The following HDAC9 variants were observed in gnomAD, a reference collection of about 807,000 sequenced individuals.
The protein encoded by HDAC9 is histone deacetylase 9.
A neutral mutation model predicts 139.4 loss-of-function variants in HDAC9; 41 were observed. The ratio of observed to expected loss-of-function variants is 0.29; its 90% confidence interval spans 0.23 to 0.38. HDAC9 has a LOEUF of 0.38. Ranked by LOEUF, HDAC9 falls within the 10% of genes least tolerant of loss-of-function variation. The pLI, the probability that HDAC9 is intolerant of heterozygous loss-of-function variation, is 1.00. For missense variants in HDAC9, 1,147 were observed against 1,297.0 expected (o/e 0.88, Z 1.78); for synonymous variants, 517 against 476.2 (o/e 1.09, Z -1.12).
chr7:18,522,886 T>C (rs1458360105), intron 2 of HDAC9, among the ~76,000 whole-genome samples: 1 of 152,166 alleles, frequency 6.6e-6, no homozygotes, highest in Non-Finnish European at 1.5e-5. Flanking sequence ...TGAATAACTT[T>C]AATTAACAAG....
intron 13 of HDAC9, among the ~76,000 whole-genome samples, chr7:18,732,470 G>GTATATA (rs56901819): frequency 7.4e-5 from 11 of 149,338 alleles, no homozygotes; most frequent in Non-Finnish European, 7.4e-5. Flanking sequence ...TTGTATGTGT[G>GTATATA]TATATACAGT....
intron 1 of HDAC9, among the ~76,000 whole-genome samples, chr7:18,432,940 G>T (rs1790820547): frequency 6.7e-6 from 1 of 148,500 alleles, no homozygotes; most frequent in South Asian, 2.1e-4. Flanking sequence ...AACAGAATGA[G>T]ACTCTGTCTT....
chr7:18,906,844 A>G (rs1381495204), intron 22 of HDAC9: 2 of 152,260 alleles, frequency 1.3e-5, no homozygotes, highest in East Asian at 1.9e-4. Flanking sequence ...GACAAAAGGA[A>G]TGTGATAACA....
Position 18,648,691 on chromosome 7 carries a change from T to C in HDAC9, c.1467+8T>C. 4 of 1,603,682 alleles carry C rather than the reference T, an allele frequency of 2.5e-6. No individual in the cohort carries two copies. The highest frequency in any genetic ancestry group is 1.7e-5 in the Admixed American group (1 of 58,460). ...CAGATCCACATGAACAAAGTAAGCC[T>C]CCAAGCCAAGTCAAAATGTTCTAAC... On this transcript the variant is annotated splice_region_variant and intron_variant, in intron 11 of 25. Coordinates refer to ENST00000686413, the MANE Select transcript of HDAC9 (RefSeq NM_178425.4).
chr7:18,394,712 A>G (rs1321681764), intron 1 of HDAC9, among the ~76,000 whole-genome samples: 1 of 152,064 alleles, frequency 6.6e-6, no homozygotes, highest in Non-Finnish European at 1.5e-5. Context: ...GTTGAAATTC[A>G]TTATTTAAGA....
At position 18,497,736 on chromosome 7, in the gene HDAC9, T is replaced by C. The variant is rs1194667587; in HGVS notation, c.22+1412T>C. Among the ~76,000 whole-genome samples the C allele has an allele frequency of 2.0e-5, 3 of 152,158 alleles. No homozygotes were observed. The East Asian group carries it at 5.8e-4, about 29-fold the overall frequency. ...ATTTTTTAAAATATGGATGAACCCT[T>C]TGAAAATAACTATTTTAGAAATCTT... On this transcript the variant is annotated intron_variant, in intron 2 of 25. Transcript: ENST00000686413.
intron 2 of HDAC9, among the ~76,000 whole-genome samples, chr7:18,564,967 ATTTATTTAT>A (rs1373967917): frequency 5.9e-5 from 4 of 68,260 alleles, no homozygotes; most frequent in Non-Finnish European, 1.0e-4. Flanking sequence ...TATTTTATTT[ATTTATTTAT>A]TTATTTATTT....
intron 2 of HDAC9, among the ~76,000 whole-genome samples, chr7:18,188,386 C>T (rs2128147486): frequency 6.6e-6 from 1 of 152,172 alleles, no homozygotes; most frequent in South Asian, 2.1e-4. Context: ...AACCTCACAC[C>T]ATAAAAACCC....
At chr7:18,646,563 T>G (rs1444717805) in intron 9 of HDAC9, among the ~76,000 whole-genome samples, 3 of 152,176 alleles carry the variant, frequency 2.0e-5, no homozygotes, top group Admixed American at 2.0e-4. Context: ...AAGGAATCAC[T>G]TCTAGATTAA....
chr7:18,385,272 G>T (rs1785810250), intron 1 of HDAC9, among the ~76,000 whole-genome samples: 1 of 152,032 alleles, frequency 6.6e-6, no homozygotes, highest in Non-Finnish European at 1.5e-5. Flanking sequence ...AATGTTTTAA[G>T]ACTGTTAATG....
chr7:18,275,664 C>T (rs1307710146), intron 2 of HDAC9, among the ~76,000 whole-genome samples: 1 of 152,188 alleles, frequency 6.6e-6, no homozygotes, highest in Non-Finnish European at 1.5e-5. Flanking sequence ...ATATTTTATC[C>T]TTGAGCTTTT....
Position 18,998,152 on chromosome 7 carries a change from A to T in HDAC9, c.*2090A>T, listed in dbSNP as rs1037828668. 4 of 152,364 alleles carry T rather than the reference A, an allele frequency of 2.6e-5. No homozygotes were observed. In the South Asian group the frequency reaches 8.3e-4, roughly 32 times the overall value. The allele number at this position is 152,364 out of a possible 1,614,324, so 9.4% of individuals were successfully genotyped here. ...TAAAAAGGAAACTCATGTTTTAATT[A>T]GAAAAATAATTGTGTAGTTTTAAAA... On this transcript the variant is annotated 3_prime_UTR_variant, in exon 26 of 26. Coordinates refer to ENST00000686413, the MANE Select transcript of HDAC9 (RefSeq NM_178425.4).
At chr7:18,982,781 T>C (rs1402131241) in intron 25 of HDAC9, among the ~76,000 whole-genome samples, 4 of 152,192 alleles carry the variant, frequency 2.6e-5, no homozygotes, top group Non-Finnish European at 5.9e-5. Context: ...AAGCATGTTT[T>C]TGAGATCTAT....
Position 18,230,218 on chromosome 7 carries a change from G to A in HDAC9, c.25+67869G>A, listed in dbSNP as rs142104277. 5.3e-3 allele frequency among the ~76,000 whole-genome samples: 802 copies of A among 152,246 alleles called. 6 individuals carry two copies. The highest frequency in any genetic ancestry group is 0.014 in the Middle Eastern group (4 of 294). Reference sequence around the variant, plus strand: ...TTAGGGGCTGATTTAAGAAAAAGCTGGATGAAAGATGTCCAGACCAGCTAC... The same window carrying A: ...TTAGGGGCTGATTTAAGAAAAAGCTAGATGAAAGATGTCCAGACCAGCTAC... On this transcript the variant is annotated intron_variant, in intron 2 of 12. Coordinates refer to the HDAC9 transcript ENST00000417496.
chr7:18,880,377 A>G (rs775476201), intron 22 of HDAC9, among the ~76,000 whole-genome samples: 2 of 152,282 alleles, frequency 1.3e-5, no homozygotes, highest in East Asian at 1.9e-4. Context: ...CTGCAGCACT[A>G]TTCACAATAG....
In HDAC9 at chr7:19,001,046, G is replaced by A. The variant is rs574394673; in HGVS notation, c.*4984G>A. 6.6e-6 allele frequency: 1 copy of A among 152,078 alleles called. No individual in the cohort carries two copies. Among genetic ancestry groups the A allele is most frequent in the East Asian group, 1.9e-4 (1 of 5,174 alleles). 9.4% of individuals were successfully genotyped at this position (152,078 alleles called of 1,614,324 possible). On this transcript the variant is annotated 3_prime_UTR_variant, in exon 26 of 26. Coordinates refer to ENST00000686413, the MANE Select transcript of HDAC9 (RefSeq NM_178425.4). ...AGATAGATTTAGTTATTGTATTTTG[G>A]TCTACAATTTTGGACTTGGCAGTTT...
intron 22 of HDAC9, among the ~76,000 whole-genome samples, chr7:18,915,056 T>A (rs1348144693): frequency 1.3e-5 from 2 of 152,108 alleles, no homozygotes; most frequent in Non-Finnish European, 2.9e-5. Flanking sequence ...TAAAGATATA[T>A]GACCACTGAC....
chr7:18,303,694 G>T (rs1421273439), intron 1 of HDAC9, among the ~76,000 whole-genome samples: 6 of 152,158 alleles, frequency 3.9e-5, no homozygotes, highest in African/African-American at 1.2e-4. Context: ...ATGACTTCCA[G>T]TTCCCATTTG....
At chr7:18,731,857 C>G (rs569102152) in intron 13 of HDAC9, among the ~76,000 whole-genome samples, 1 of 152,282 alleles carries the variant, frequency 6.6e-6, no homozygotes, top group South Asian at 2.1e-4. Context: ...AACTCCCAAC[C>G]TCAGGTGATC....
Sources: gnomAD v4.1 joint callset for allele counts (sites outside exome capture counted in the v4.1 genomes callset) on GRCh38, gnomAD v4.1.1 for gene constraint, MANE v1.5 for transcripts, NCBI Gene and HGNC (gene_info 2026-07-23, HGNC 2026-07-21) for gene names.